INO80: variants seen among roughly 807,000 people sequenced by gnomAD.
The protein encoded by INO80 is chromatin-remodeling ATPase INO80.
In INO80, 20 loss-of-function variants were observed where a neutral mutation model predicts 203.4. That is an observed-to-expected ratio of 0.10 (90% confidence interval 0.07 to 0.14). The LOEUF is 0.14. INO80 is among the 10% of genes least tolerant of loss of function. INO80 has a pLI of 1.00. For missense variants in INO80, 1,419 were observed against 1,914.4 expected, an observed-to-expected ratio of 0.74 and a Z score of 4.83; for synonymous variants, 726 against 685.2, an observed-to-expected ratio of 1.06 and a Z score of -0.93.
At chr15:41,106,997 T>G (rs947949975) in intron 1 of INO80, among the ~76,000 whole-genome samples, 1 of 152,196 alleles carries the variant, frequency 6.6e-6, no homozygotes, top group Non-Finnish European at 1.5e-5. Flanking sequence ...GAATGTAACT[T>G]TATCAATTAA....
At chr15:41,075,685 A>G (rs1596311840) in intron 9 of INO80, among the ~76,000 whole-genome samples, 1 of 151,918 alleles carries the variant, frequency 6.6e-6, no homozygotes, top group Non-Finnish European at 1.5e-5. Flanking sequence ...CAATCTCCCG[A>G]CCTCATGATC....
intron 16 of INO80, 54 bp downstream of exon 16, chr15:41,058,584 TG>T: frequency 7.2e-7 from 1 of 1,391,082 alleles, no homozygotes; most frequent in Non-Finnish European, 1.0e-6. Flanking sequence ...TGTGTGTGTG[TG>T]TGTGTGTGTA....
intron 4 of INO80, among the ~76,000 whole-genome samples, chr15:41,092,505 C>CA (rs369556462): frequency 1.3e-3 from 194 of 149,956 alleles, no homozygotes; most frequent in Admixed American, 4.2e-3. Context: ...AACAGGAAGG[C>CA]AAAAAAAACA....
chr15:40,999,659 T>G (rs2043931521), intron 28 of INO80, among the ~76,000 whole-genome samples: 1 of 152,228 alleles, frequency 6.6e-6, no homozygotes, highest in Non-Finnish European at 1.5e-5. Context: ...GCCATCTTTA[T>G]GATTAAATTG....
intron 9 of INO80, among the ~76,000 whole-genome samples, chr15:41,078,150 G>A (rs537143483): frequency 2.2e-3 from 332 of 151,954 alleles, no homozygotes; most frequent in Middle Eastern, 0.014. Context: ...CACCCACCTC[G>A]GCCTCCCAAA....
chr15:41,107,177 A>T (rs951592827), intron 1 of INO80, among the ~76,000 whole-genome samples: 8 of 152,132 alleles, frequency 5.3e-5, no homozygotes, highest in Admixed American at 3.3e-4. Flanking sequence ...CTCTAAAAAA[A>T]TTTTTTTTAA....
Position 40,980,013 on chromosome 15 carries a change from G to A in INO80, c.*210C>T. 5.1e-6 allele frequency: 3 copies of A among 588,124 alleles called. 1 individual carries two copies. The South Asian group carries it at 6.0e-5, about 12-fold the overall frequency. The allele number at this position is 588,124 out of a possible 1,614,324, so 36.4% of individuals were successfully genotyped here. A position where few individuals can be genotyped will look rare whatever the true frequency, so the allele number is the denominator to read the frequency against. ...CAGTGGGGCTGATCCATGCCCTGTGGCCTTCCTCCTACAGGCACCCCAGAT... is the reference window on the plus strand; with the variant it reads ...CAGTGGGGCTGATCCATGCCCTGTGACCTTCCTCCTACAGGCACCCCAGAT... On this transcript the variant is annotated 3_prime_UTR_variant, in exon 36 of 36. Coordinates refer to ENST00000648947, the MANE Select transcript of INO80 (RefSeq NM_017553.3).
In INO80 at chr15:41,096,202, G is replaced by C; in HGVS notation, c.109C>G (p.Gln37Glu). 1 of 1,612,028 alleles carries C rather than the reference G, an allele frequency of 6.2e-7. No homozygotes were observed. ...RALRLDHFLR[Q>E]TSAIFNRNIS... ...TTCCTATTGAAGATAGCTGACGTTT[G>C]TCGCAGAAAATGGTCCAACCGGAGG... The change falls in exon 2 of 36, where the codon CAA (glutamine) becomes GAA (glutamate). Residue 37 changes from glutamine to glutamate, a missense_variant. Around this residue, in one of 9 missense-constraint regions of INO80, gnomAD observed 323 missense variants for 325.4 expected, o/e 0.99. Coordinates refer to ENST00000648947, the MANE Select transcript of INO80 (RefSeq NM_017553.3).
chr15:41,059,786 TA>T, intron 15 of INO80, 80 bp downstream of exon 15: 1 of 918,832 alleles, frequency 1.1e-6, no homozygotes, highest in South Asian at 1.8e-5. Flanking sequence ...GATTTTTGTC[TA>T]AAAGAAATTA....
At chr15:41,103,045 T>A (rs1172250564) in intron 1 of INO80, among the ~76,000 whole-genome samples, 2 of 152,120 alleles carry the variant, frequency 1.3e-5, no homozygotes, top group African/African-American at 2.4e-5. Flanking sequence ...TTCTAGATGT[T>A]TTCTAGCCCC....
chr15:40,989,686 AC>A (rs939603156), intron 29 of INO80, among the ~76,000 whole-genome samples: 1 of 152,078 alleles, frequency 6.6e-6, no homozygotes, highest in African/African-American at 2.4e-5. Flanking sequence ...CCAGTTACAC[AC>A]CTGCCTCAGC....
At chr15:41,009,231 C>CTTT (rs11392141) in intron 27 of INO80, among the ~76,000 whole-genome samples, 4 of 147,762 alleles carry the variant, frequency 2.7e-5, no homozygotes, top group Non-Finnish European at 6.0e-5. Context: ...TTATACTGTT[C>CTTT]TTTTTTTTTT....
intron 28 of INO80, among the ~76,000 whole-genome samples, chr15:40,998,722 C>T (rs547514303): frequency 5.2e-4 from 79 of 151,890 alleles, no homozygotes; most frequent in Non-Finnish European, 1.1e-3. Context: ...GGCACGATCT[C>T]GGCTCACTGC....
At chr15:41,106,287 G>A (rs553187403) in intron 1 of INO80, among the ~76,000 whole-genome samples, 64 of 151,824 alleles carry the variant, frequency 4.2e-4, no homozygotes, top group African/African-American at 1.5e-3. Context: ...GGGAGGCTGG[G>A]GTGTGAGGAT....
chr15:41,065,988 CTTT>C (rs1175524125), intron 14 of INO80, among the ~76,000 whole-genome samples: 6 of 127,260 alleles, frequency 4.7e-5, no homozygotes, highest in Admixed American at 8.1e-5. Context: ...CTACATTGTA[CTTT>C]TTTTTTTTTT....
At chr15:41,088,009 A>G (rs1478820452) in intron 5 of INO80, among the ~76,000 whole-genome samples, 1 of 151,862 alleles carries the variant, frequency 6.6e-6, no homozygotes, top group Admixed American at 6.6e-5. Flanking sequence ...CCCCTTGGAA[A>G]TTCACCACCA....
At chr15:41,059,059 C>T (rs1382556998) in intron 15 of INO80, among the ~76,000 whole-genome samples, 1 of 152,056 alleles carries the variant, frequency 6.6e-6, no homozygotes, top group Non-Finnish European at 1.5e-5. Flanking sequence ...TCACGTGATC[C>T]TCCTGCCTTA....
chr15:41,083,498 G>T (rs2045515689), intron 7 of INO80, among the ~76,000 whole-genome samples: 1 of 151,732 alleles, frequency 6.6e-6, no homozygotes, highest in South Asian at 2.1e-4. Context: ...TTGAGGTCGG[G>T]AGTTCAAGAC....
At chr15:41,094,391 G>A (rs748255167) in intron 4 of INO80, among the ~76,000 whole-genome samples, 13 of 152,136 alleles carry the variant, frequency 8.5e-5, no homozygotes, top group African/African-American at 2.9e-4. Flanking sequence ...TGACCGAAAT[G>A]CCGTTACCCT....
Sources: allele counts gnomAD v4.1 joint callset (sites outside exome capture counted in the v4.1 genomes callset), GRCh38; gene constraint gnomAD v4.1.1; regional missense constraint gnomAD v4.1.1; transcripts MANE v1.5; gene names NCBI Gene and HGNC (gene_info 2026-07-23, HGNC 2026-07-21).